DDX39B: variants seen among roughly 807,000 people sequenced by gnomAD.
DDX39B encodes the protein spliceosome RNA helicase DDX39B.
Under a neutral mutation model 46.4 loss-of-function variants are expected in DDX39B, and 6 were observed. The observed-to-expected ratio is 0.13, with a 90% CI of 0.07 to 0.26. The LOEUF (loss-of-function observed/expected upper bound fraction) is 0.26. DDX39B is among the 10% of genes least tolerant of loss of function. The probability of loss-of-function intolerance (pLI) is 1.00; values close to 1 mark genes in which losing one functional copy is unlikely to be tolerated. For synonymous variants in DDX39B, 174 were observed against 199.4 expected (o/e 0.87, Z 1.07); for missense variants, 185 against 553.4 (o/e 0.33, Z 6.68).
At chr6:31,536,198 G>C (rs2075580) in intron 5 of DDX39B, among the ~76,000 whole-genome samples, 116,025 of 152,098 alleles carry the variant, frequency 0.76, 44,618 homozygotes, top group African/African-American at 0.82. Flanking sequence ...TAGAATCTCC[G>C]CTATGACTCC....
Position 31,535,168 on chromosome 6 carries a change from G to A in DDX39B, c.735+199C>T. ...TCACATTAACCCGACCAAGTCTTCC[G>A]GAGTTTCCCTGGCACCCGCGCAGGC... On this transcript the variant is annotated intron_variant, in intron 6 of 10. Coordinates refer to ENST00000396172, the MANE Select transcript of DDX39B (RefSeq NM_004640.7). The surrounding 1 kb of genome is among the most constrained non-coding windows in gnomAD (Gnocchi z 4.6). The A allele has an allele frequency of 1.6e-6, 1 of 617,176 alleles. No individual in the cohort carries two copies. The highest frequency in any genetic ancestry group is 2.9e-6 in the Non-Finnish European group (1 of 342,980). 38.2% of individuals were successfully genotyped at this position (617,176 alleles called of 1,614,324 possible).
chr6:31,536,317 T>C (rs1767776622), intron 5 of DDX39B, 183 bp downstream of exon 5: 2 of 859,240 alleles, frequency 2.3e-6, no homozygotes, highest in East Asian at 4.9e-5. Context: ...AGAAAGATGA[T>C]AGATGACACC....
At chr6:31,539,383 AT>A (rs1446058379) in intron 2 of DDX39B, 109 bp from the exon 3 acceptor site, 2 of 1,492,196 alleles carry the variant, frequency 1.3e-6, no homozygotes, top group African/African-American at 2.8e-5. Flanking sequence ...AAAGTCTAGT[AT>A]TTACCTGGTT....
At chr6:31,536,099 A>G (rs1479350205) in intron 5 of DDX39B, among the ~76,000 whole-genome samples, 4 of 152,174 alleles carry the variant, frequency 2.6e-5, no homozygotes, top group African/African-American at 9.7e-5. Flanking sequence ...TTAATCCCAG[A>G]CCTGAGTCTA....
chr6:31,541,978 G>A lies in DDX39B; in HGVS notation c.-161C>T. On this transcript the variant is annotated 5_prime_UTR_variant, in exon 1 of 11. Transcript: ENST00000396172. ...AACAGGGAGAGCGCGTATGGCGGCA[G>A]CAACAGCGACGAAGGAGGGAAATCT... 3 of 675,756 alleles carry A rather than the reference G, an allele frequency of 4.4e-6. No individual in the cohort carries two copies. Among genetic ancestry groups the A allele is most frequent in the South Asian group, 1.5e-5 (1 of 66,642 alleles). The allele number at this position is 675,756 out of a possible 1,614,324, so 41.9% of individuals were successfully genotyped here.
intron 1 of DDX39B, chr6:31,541,385 A>G (rs1276294364): frequency 5.4e-6 from 2 of 372,536 alleles, no homozygotes; most frequent in African/African-American, 4.3e-5. Context: ...AGGCTTTAAC[A>G]GGATCTTTAC....
intron 1 of DDX39B, chr6:31,541,548 G>C: frequency 2.3e-6 from 1 of 430,386 alleles, no homozygotes; most frequent in Admixed American, 3.1e-5. Flanking sequence ...CCAGAAACCA[G>C]CTCCTCCTCC....
Position 31,530,539 on chromosome 6 carries a change from A to G in DDX39B, c.1271-89T>C. On this transcript the variant is annotated intron_variant, in intron 10 of 10. Coordinates refer to ENST00000396172, the MANE Select transcript of DDX39B (RefSeq NM_004640.7). This position sits in a 1 kb window ranked among gnomAD's most constrained non-coding sequence, Gnocchi z 4.5. ...ACGGCACACATGCAGACACTGGTGT[A>G]CTGCCTGGGTTCAGAGGACGGACGT... The G allele has an allele frequency of 6.4e-7, 1 of 1,565,824 alleles. No individual in the cohort carries two copies. Among genetic ancestry groups the G allele is most frequent in the South Asian group, 1.1e-5 (1 of 89,540 alleles).
At position 31,530,429 on chromosome 6, in the gene DDX39B, G is replaced by A. The variant is rs1485567929; in HGVS notation, c.*5C>T. 1 of 1,612,624 alleles carries A rather than the reference G, an allele frequency of 6.2e-7. No individual in the cohort carries two copies. Among genetic ancestry groups the A allele is most frequent in the East Asian group, 2.2e-5 (1 of 44,892 alleles). On this transcript the variant is annotated 3_prime_UTR_variant, in exon 11 of 11. Coordinates refer to ENST00000396172, the MANE Select transcript of DDX39B (RefSeq NM_004640.7). The surrounding 1 kb of genome is among the most constrained non-coding windows in gnomAD (Gnocchi z 4.5). ...GACGGTCACATTCCAAAATGGGCGA[G>A]TCTTCTACCGTGTCTGTTCAACTGA... is the stretch of plus-strand genomic sequence containing the variant.
Position 31,531,152 on chromosome 6 carries a change from A to G in DDX39B, c.1023T>C (p.Leu341=). The change falls in exon 9 of 11, where the codon CTT becomes CTC. Residue 341 remains leucine, a synonymous_variant. Transcript: ENST00000396172. This position sits in a 1 kb window ranked among gnomAD's most constrained non-coding sequence, Gnocchi z 5.8. ...CTCGGCCAAATAGGTTGGTAGCCACAAGAATTCGTCGTTGAAAATCTTTAA... is the reference window on the plus strand; with the variant it reads ...CTCGGCCAAATAGGTTGGTAGCCACGAGAATTCGTCGTTGAAAATCTTTAA... ...QQFKDFQRRI[L]VATNLFGRGM... is the part of the protein sequence containing the mutation. The G allele has an allele frequency of 1.2e-6, 2 of 1,614,216 alleles. No homozygotes were observed. The highest frequency in any genetic ancestry group is 1.7e-6 in the Non-Finnish European group (2 of 1,180,040).
intron 4 of DDX39B, 144 bp from the exon 5 acceptor site, chr6:31,536,827 T>A (rs1767834024): frequency 1.0e-6 from 1 of 999,464 alleles, no homozygotes; most frequent in African/African-American, 1.6e-5. Context: ...ATTTAAAAAT[T>A]TTATGTCCCC....
chr6:31,535,256 A>G lies in DDX39B; in HGVS notation c.735+111T>C, dbSNP rs1767658778. 1.9e-6 allele frequency: 2 copies of G among 1,058,972 alleles called. No homozygotes were observed. Among genetic ancestry groups the G allele is most frequent in the South Asian group, 2.6e-5 (2 of 78,246 alleles). The allele number at this position is 1,058,972 out of a possible 1,614,324, so 65.6% of individuals were successfully genotyped here. On this transcript the variant is annotated intron_variant, in intron 6 of 10. Transcript: ENST00000396172. This position sits in a 1 kb window ranked among gnomAD's most constrained non-coding sequence, Gnocchi z 4.6. ...AAGGAGTCATTACTCCCAGTTGGGCACAAGCCGCCTTCTTGGCACTTGAAT... is the reference window on the plus strand; with the variant it reads ...AAGGAGTCATTACTCCCAGTTGGGCGCAAGCCGCCTTCTTGGCACTTGAAT...
chr6:31,539,763 C>T (rs867123709), intron 2 of DDX39B, among the ~76,000 whole-genome samples: 18 of 152,040 alleles, frequency 1.2e-4, no homozygotes, highest in African/African-American at 4.4e-4. Flanking sequence ...TTGGCCTGGC[C>T]CAACAGAGGG....
At chr6:31,537,795 G>T (rs927529576) in intron 4 of DDX39B, among the ~76,000 whole-genome samples, 1 of 152,136 alleles carries the variant, frequency 6.6e-6, no homozygotes, top group African/African-American at 2.4e-5. Context: ...CAGCACTTTG[G>T]GAGGCCGAGG....
chr6:31,534,593 G>A lies in DDX39B; in HGVS notation c.735+774C>T, dbSNP rs1011394135. On this transcript the variant is annotated intron_variant, in intron 6 of 10. Transcript: ENST00000396172. This position sits in a 1 kb window ranked among gnomAD's most constrained non-coding sequence, Gnocchi z 5.1. ...CACCCCTCCCCAACACATATTGGGGGAAACGGGGCACGGCACGCGTTGGGT... is the reference window on the plus strand; with the variant it reads ...CACCCCTCCCCAACACATATTGGGGAAAACGGGGCACGGCACGCGTTGGGT... The A allele has an allele frequency of 4.5e-6, 2 of 440,062 alleles. No homozygotes were observed. Among genetic ancestry groups the A allele is most frequent in the Non-Finnish European group, 9.2e-6 (2 of 216,740 alleles). The allele number at this position is 440,062 out of a possible 1,614,324, so 27.3% of individuals were successfully genotyped here.
intron 2 of DDX39B, among the ~76,000 whole-genome samples, chr6:31,540,096 G>A (rs926683441): frequency 2.6e-5 from 4 of 152,162 alleles, no homozygotes; most frequent in African/African-American, 9.7e-5. Context: ...GTAGAGACAG[G>A]AGTCTCGCTG....
intron 1 of DDX39B, 69 bp downstream of exon 1, chr6:31,541,881 A>G: frequency 1.6e-6 from 1 of 634,468 alleles, no homozygotes; most frequent in South Asian, 1.8e-5. Flanking sequence ...GGGTATCAGG[A>G]ACCCATGTGA....
At chr6:31,537,413 G>A (rs923339824) in intron 4 of DDX39B, among the ~76,000 whole-genome samples, 15 of 152,114 alleles carry the variant, frequency 9.9e-5, no homozygotes, top group African/African-American at 2.7e-4. Context: ...ATGACAGAGC[G>A]AGACTCCATC....
chr6:31,530,556 G>A lies in DDX39B; in HGVS notation c.1271-106C>T. On this transcript the variant is annotated intron_variant, in intron 10 of 10. Coordinates refer to ENST00000396172, the MANE Select transcript of DDX39B (RefSeq NM_004640.7). The surrounding 1 kb of genome is among the most constrained non-coding windows in gnomAD (Gnocchi z 4.5). ...ACTGGTGTACTGCCTGGGTTCAGAG[G>A]ACGGACGTGGGGGTGAGGGAAGGGA... 8 of 1,504,944 alleles carry A rather than the reference G, an allele frequency of 5.3e-6. No individual in the cohort carries two copies. Among genetic ancestry groups the A allele is most frequent in the Non-Finnish European group, 7.3e-6 (8 of 1,088,616 alleles). 93.2% of individuals were successfully genotyped at this position (1,504,944 alleles called of 1,614,324 possible).
Sources: gnomAD v4.1 joint callset for allele counts (sites outside exome capture counted in the v4.1 genomes callset) on GRCh38, gnomAD v4.1.1 for gene constraint, Gnocchi (gnomAD v3.1) non-coding constraint, MANE v1.5 for transcripts, NCBI Gene and HGNC (gene_info 2026-07-23, HGNC 2026-07-21) for gene names.